ANXA10: variants seen among roughly 807,000 people sequenced by gnomAD.
The protein encoded by ANXA10 is annexin A10.
ANXA10 carries 49 observed loss-of-function variants against 53.5 expected under a neutral mutation model. The ratio of observed to expected loss-of-function variants is 0.92; its 90% confidence interval spans 0.73 to 1.16. ANXA10 has a LOEUF of 1.16. Among genes scored for constraint, ANXA10 ranks in the 50% most tolerant of loss-of-function variants. The pLI, the probability that ANXA10 is intolerant of heterozygous loss-of-function variation, is 0.00. For missense variants in ANXA10, 393 were observed against 394.4 expected, an observed-to-expected ratio of 1.00 and a Z score of 0.03; for synonymous variants, 131 against 128.9, an observed-to-expected ratio of 1.02 and a Z score of -0.11.
At chr4:168,142,489 AC>A (rs1731342469) in intron 3 of ANXA10, among the ~76,000 whole-genome samples, 1 of 152,124 alleles carries the variant, frequency 6.6e-6, no homozygotes, top group Admixed American at 6.6e-5. Flanking sequence ...GGTACTAGAC[AC>A]AAGACCTCAC....
At chr4:168,118,523 G>A (rs1325455358) in intron 1 of ANXA10, among the ~76,000 whole-genome samples, 1 of 152,164 alleles carries the variant, frequency 6.6e-6, no homozygotes, top group African/African-American at 2.4e-5. Context: ...GGGATTCTAT[G>A]ATGGCACTAG....
chr4:168,151,213 T>C (rs1298213813), intron 3 of ANXA10, among the ~76,000 whole-genome samples: 2 of 152,154 alleles, frequency 1.3e-5, no homozygotes, highest in Non-Finnish European at 2.9e-5. Flanking sequence ...ACAGCATGCA[T>C]CATTGATATT....
intron 3 of ANXA10, among the ~76,000 whole-genome samples, chr4:168,161,073 A>G (rs1178601103): frequency 6.6e-6 from 1 of 151,934 alleles, no homozygotes; most frequent in Non-Finnish European, 1.5e-5. Flanking sequence ...ATTAGATTCC[A>G]TTTGTCAATT....
At chr4:168,185,243 G>A (rs4692889) in intron 11 of ANXA10, among the ~76,000 whole-genome samples, 21,625 of 152,204 alleles carry the variant, frequency 0.14, 1,857 homozygotes, top group Non-Finnish European at 0.2. Flanking sequence ...AAGCATTGAT[G>A]CAGTCATGCA....
chr4:168,113,750 C>T (rs1018817914), intron 1 of ANXA10, among the ~76,000 whole-genome samples: 1 of 152,186 alleles, frequency 6.6e-6, no homozygotes, highest in Non-Finnish European at 1.5e-5. Flanking sequence ...TTATTTAGCA[C>T]TATTCTTGAT....
intron 1 of ANXA10, among the ~76,000 whole-genome samples, chr4:168,099,884 T>G (rs985110463): frequency 6.6e-6 from 1 of 152,092 alleles, no homozygotes; most frequent in Non-Finnish European, 1.5e-5. Context: ...TCAGAATCAC[T>G]GGGTTACATA....
chr4:168,132,378 G>A (rs1365066858), intron 2 of ANXA10, among the ~76,000 whole-genome samples: 2 of 152,002 alleles, frequency 1.3e-5, no homozygotes, highest in Admixed American at 1.3e-4. Flanking sequence ...GGCACAGAAA[G>A]ACAAACATTG....
At chr4:168,100,922 A>C (rs1730628490) in intron 1 of ANXA10, among the ~76,000 whole-genome samples, 1 of 152,130 alleles carries the variant, frequency 6.6e-6, no homozygotes, top group Non-Finnish European at 1.5e-5. Context: ...GCACAGTGCA[A>C]CTAACTAAAC....
chr4:168,111,751 G>A (rs919655593), intron 1 of ANXA10, among the ~76,000 whole-genome samples: 2 of 152,140 alleles, frequency 1.3e-5, no homozygotes, highest in Non-Finnish European at 2.9e-5. Flanking sequence ...AGAATGTCAT[G>A]CTTTGCAAAA....
intron 1 of ANXA10, among the ~76,000 whole-genome samples, chr4:168,111,046 T>C (rs752874454): frequency 6.6e-5 from 10 of 152,190 alleles, no homozygotes; most frequent in Non-Finnish European, 1.0e-4. Context: ...GTTTGTGAAA[T>C]AGATGACTGT....
At chr4:168,175,333 G>T (rs567685615) in intron 6 of ANXA10, among the ~76,000 whole-genome samples, 2 of 152,136 alleles carry the variant, frequency 1.3e-5, no homozygotes, top group Admixed American at 1.3e-4. Flanking sequence ...CATATTAATT[G>T]CTTCCAATTA....
intron 2 of ANXA10, among the ~76,000 whole-genome samples, chr4:168,132,002 A>T (rs1312199238): frequency 1.3e-5 from 2 of 152,242 alleles, no homozygotes; most frequent in East Asian, 3.9e-4. Context: ...TGGAGAAAAG[A>T]GTACCCTTGT....
intron 1 of ANXA10, among the ~76,000 whole-genome samples, chr4:168,100,853 C>T (rs1384856035): frequency 6.9e-6 from 1 of 144,806 alleles, no homozygotes; most frequent in Non-Finnish European, 1.6e-5. Flanking sequence ...CCCAGCTTTC[C>T]CTAATGTTTA....
intron 1 of ANXA10, among the ~76,000 whole-genome samples, chr4:168,126,070 G>GA (rs1409995707): frequency 6.6e-6 from 1 of 151,598 alleles, no homozygotes; most frequent in African/African-American, 2.4e-5. Flanking sequence ...CTGTCACATT[G>GA]AAAAATGTAC....
chr4:168,098,145 T>C (rs1032666286), intron 1 of ANXA10, among the ~76,000 whole-genome samples: 6 of 151,950 alleles, frequency 3.9e-5, no homozygotes, highest in African/African-American at 1.2e-4. Context: ...TGTTTAACTA[T>C]ATGTTCTTTT....
intron 6 of ANXA10, among the ~76,000 whole-genome samples, chr4:168,174,519 G>A (rs973157008): frequency 6.6e-6 from 1 of 152,196 alleles, no homozygotes; most frequent in African/African-American, 2.4e-5. Flanking sequence ...ATCCAGGCCA[G>A]GTGGCAAGGC....
chr4:168,097,188 A>T (rs1345607946), intron 1 of ANXA10, among the ~76,000 whole-genome samples: 1 of 151,954 alleles, frequency 6.6e-6, no homozygotes, highest in Non-Finnish European at 1.5e-5. Context: ...TACACCCATT[A>T]TATACATTTC....
intron 1 of ANXA10, among the ~76,000 whole-genome samples, chr4:168,115,932 A>T (rs1730885736): frequency 6.6e-6 from 1 of 152,198 alleles, no homozygotes; most frequent in Admixed American, 6.5e-5. Flanking sequence ...CTGGGTAAAT[A>T]AAAGATGTCA....
At chr4:168,149,777 A>G (rs535550906) in intron 3 of ANXA10, among the ~76,000 whole-genome samples, 16 of 152,308 alleles carry the variant, frequency 1.1e-4, no homozygotes, top group Admixed American at 9.2e-4. Flanking sequence ...CTATTGTTTC[A>G]GATTATCAGG....
Sources: allele counts gnomAD v4.1 joint callset (sites outside exome capture counted in the v4.1 genomes callset), GRCh38; gene constraint gnomAD v4.1.1; transcripts MANE v1.5; gene names NCBI Gene and HGNC (gene_info 2026-07-23, HGNC 2026-07-21).